The following EDIL3 variants were observed in gnomAD, a reference collection of about 807,000 sequenced individuals.
The protein encoded by EDIL3 is EGF like and discoidin domains 3, also known as EGF-like repeat and discoidin I-like domain-containing protein 3.
Under a neutral mutation model 67.4 loss-of-function variants are expected in EDIL3, and 37 were observed. That is an observed-to-expected ratio of 0.55 (90% confidence interval 0.42 to 0.72). The LOEUF (loss-of-function observed/expected upper bound fraction) is 0.72, where lower values mean the gene tolerates loss of function less well. EDIL3 is among the 30% of genes least tolerant of loss of function. The pLI is 0.00. For missense variants in EDIL3, 527 were observed against 586.3 expected, an observed-to-expected ratio of 0.90 and a Z score of 1.04; for synonymous variants, 195 against 196.3, an observed-to-expected ratio of 0.99 and a Z score of 0.05.
At chr5:84,282,611 ATG>A (rs1745726559) in intron 1 of EDIL3, among the ~76,000 whole-genome samples, 1 of 152,172 alleles carries the variant, frequency 6.6e-6, no homozygotes, top group African/African-American at 2.4e-5. Flanking sequence ...TATTTTGGAT[ATG>A]TACCTACAGA....
intron 9 of EDIL3, among the ~76,000 whole-genome samples, chr5:84,058,208 T>C (rs886653403): frequency 1.3e-5 from 2 of 151,478 alleles, no homozygotes; most frequent in African/African-American, 4.9e-5. Context: ...TTTAGAAGAG[T>C]AGGGTAAGAA....
intron 1 of EDIL3, among the ~76,000 whole-genome samples, chr5:84,367,181 G>A (rs1747756376): frequency 6.6e-6 from 1 of 152,034 alleles, no homozygotes; most frequent in African/African-American, 2.4e-5. Flanking sequence ...AAAACAAATA[G>A]CATTTCTTAT....
At chr5:84,361,086 T>A (rs994323371) in intron 1 of EDIL3, among the ~76,000 whole-genome samples, 1 of 152,080 alleles carries the variant, frequency 6.6e-6, no homozygotes, top group African/African-American at 2.4e-5. Context: ...CTGCCTAAGT[T>A]GATTCTGCAA....
chr5:84,149,770 G>C (rs563694445), intron 4 of EDIL3, among the ~76,000 whole-genome samples: 3 of 152,088 alleles, frequency 2.0e-5, no homozygotes, highest in African/African-American at 7.2e-5. Flanking sequence ...TGTGAAAAAA[G>C]AAAGCCTAAT....
At chr5:84,172,915 G>C (rs1047376980) in intron 4 of EDIL3, among the ~76,000 whole-genome samples, 2 of 152,146 alleles carry the variant, frequency 1.3e-5, no homozygotes, top group African/African-American at 4.8e-5. Context: ...CTGCCACTGG[G>C]CAGCTCTGTA....
intron 1 of EDIL3, among the ~76,000 whole-genome samples, chr5:84,296,164 C>T (rs1279207308): frequency 6.6e-6 from 1 of 152,098 alleles, no homozygotes; most frequent in East Asian, 1.9e-4. Context: ...TCTAAGAAGG[C>T]TTAGGTTGTT....
At chr5:83,969,425 C>G (rs970927103) in intron 9 of EDIL3, among the ~76,000 whole-genome samples, 1 of 151,656 alleles carries the variant, frequency 6.6e-6, no homozygotes, top group African/African-American at 2.4e-5. Flanking sequence ...ATAAAAGAAA[C>G]ATACAAATAA....
intron 10 of EDIL3, among the ~76,000 whole-genome samples, chr5:83,952,374 C>T (rs1023544745): frequency 6.6e-5 from 10 of 151,700 alleles, no homozygotes; most frequent in Admixed American, 1.3e-4. Flanking sequence ...GGATGATTGC[C>T]TATAAAGATT....
intron 9 of EDIL3, among the ~76,000 whole-genome samples, chr5:84,021,361 T>C (rs546344992): frequency 2.6e-5 from 4 of 152,130 alleles, no homozygotes; most frequent in East Asian, 1.9e-4. Flanking sequence ...TTTACTGATA[T>C]ATACTTCCTT....
At chr5:83,944,608 T>C (rs1175938736) in intron 10 of EDIL3, among the ~76,000 whole-genome samples, 2 of 151,846 alleles carry the variant, frequency 1.3e-5, no homozygotes. Context: ...GATTTTATCC[T>C]TTTTTTCTTA....
chr5:84,255,946 TTAAGA>T (rs1171494127), intron 1 of EDIL3, among the ~76,000 whole-genome samples: 2 of 152,170 alleles, frequency 1.3e-5, no homozygotes, highest in African/African-American at 4.8e-5. Context: ...ATTGTAATTT[TTAAGA>T]TAAGGAATCA....
At chr5:84,060,723 C>G (rs1396212425) in intron 8 of EDIL3, among the ~76,000 whole-genome samples, 1 of 152,104 alleles carries the variant, frequency 6.6e-6, no homozygotes, top group Non-Finnish European at 1.5e-5. Context: ...GAAAACAAGA[C>G]AGACAATTTA....
At chr5:84,166,191 T>C (rs185474796) in intron 4 of EDIL3, among the ~76,000 whole-genome samples, 16 of 152,300 alleles carry the variant, frequency 1.1e-4, no homozygotes, top group Admixed American at 6.5e-4. Context: ...TAATAAACAC[T>C]GACAATCTGA....
At chr5:84,049,384 C>A (rs1746287692) in intron 9 of EDIL3, among the ~76,000 whole-genome samples, 1 of 152,150 alleles carries the variant, frequency 6.6e-6, no homozygotes, top group African/African-American at 2.4e-5. Flanking sequence ...AGGGATCTAT[C>A]CAATACTGAG....
At chr5:84,304,607 A>C (rs1245738049) in intron 1 of EDIL3, among the ~76,000 whole-genome samples, 3 of 152,374 alleles carry the variant, frequency 2.0e-5, no homozygotes, top group Non-Finnish European at 4.4e-5. Context: ...TTATTGTTAC[A>C]AAGATCAATT....
intron 6 of EDIL3, among the ~76,000 whole-genome samples, chr5:84,078,452 A>G (rs925394122): frequency 6.6e-6 from 1 of 152,218 alleles, no homozygotes; most frequent in Non-Finnish European, 1.5e-5. Context: ...AAATTTAAAA[A>G]CACACCTTAT....
intron 1 of EDIL3, among the ~76,000 whole-genome samples, chr5:84,291,830 CATAT>C (rs150859848): frequency 2.1e-5 from 3 of 145,918 alleles, no homozygotes; most frequent in African/African-American, 7.5e-5. Flanking sequence ...TATACACACA[CATAT>C]ATATATATAT....
chr5:83,941,566 C>A lies in EDIL3; in HGVS notation c.*1853G>T, dbSNP rs896988250. On this transcript the variant is annotated 3_prime_UTR_variant, in exon 11 of 11. Transcript: ENST00000296591. ...GAGTAAGTGTGTGTATATTTCTGAA[C>A]CTAAGTAATTATTTGTCACGACTTT... 24 of 151,852 alleles carry A rather than the reference C, an allele frequency of 1.6e-4. No individual in the cohort carries two copies. The highest frequency in any genetic ancestry group is 5.8e-4 in the African/African-American group (24 of 41,382). 9.4% of individuals were successfully genotyped at this position (151,852 alleles called of 1,614,324 possible).
intron 1 of EDIL3, among the ~76,000 whole-genome samples, chr5:84,359,072 C>T (rs4482885): frequency 0.44 from 67,107 of 151,994 alleles, 14,991 homozygotes; most frequent in Middle Eastern, 0.51. Flanking sequence ...ACCAATATAT[C>T]AATGTTATTA....
Sources: gnomAD v4.1 joint callset for allele counts (sites outside exome capture counted in the v4.1 genomes callset) on GRCh38, gnomAD v4.1.1 for gene constraint, MANE v1.5 for transcripts, NCBI Gene and HGNC (gene_info 2026-07-23, HGNC 2026-07-21) for gene names.